Variants in ATXN1 observed in about 807,000 individuals in gnomAD.
ATXN1 encodes ataxin-1.
ATXN1 carries 8 observed loss-of-function variants against 56.4 expected under a neutral mutation model. The ratio of observed to expected loss-of-function variants is 0.14; its 90% CI spans 0.08 to 0.26. The LOEUF (loss-of-function observed/expected upper bound fraction) is 0.26. Among genes scored for constraint, ATXN1 ranks in the 10% least tolerant of loss-of-function variants. The pLI is 1.00. For synonymous variants in ATXN1, 514 were observed against 494.6 expected (o/e 1.04, Z -0.52); for missense variants, 987 against 1,106.5 (o/e 0.89, Z 1.53).
intron 6 of ATXN1, among the ~76,000 whole-genome samples, chr6:16,350,164 G>C (rs1761536431): frequency 6.6e-6 from 1 of 152,208 alleles, no homozygotes; most frequent in South Asian, 2.1e-4. Flanking sequence ...AAGTAAGGCA[G>C]TCTCCTGTTT....
intron 3 of ATXN1, among the ~76,000 whole-genome samples, chr6:16,649,112 A>G (rs575046731): frequency 6.6e-6 from 1 of 152,004 alleles, no homozygotes; most frequent in South Asian, 2.1e-4. Context: ...ACAAATGATG[A>G]TTTTCTTTTT....
chr6:16,424,051 C>A (rs535725516), intron 6 of ATXN1, among the ~76,000 whole-genome samples: 1 of 152,270 alleles, frequency 6.6e-6, no homozygotes, highest in Admixed American at 6.5e-5. Context: ...ATCACATGAT[C>A]CTCCAGGTAA....
At chr6:16,360,474 G>A (rs1364174453) in intron 6 of ATXN1, among the ~76,000 whole-genome samples, 1 of 152,154 alleles carries the variant, frequency 6.6e-6, no homozygotes, top group African/African-American at 2.4e-5. Flanking sequence ...TCATGCCTGG[G>A]ATTACACTGG....
intron 4 of ATXN1, among the ~76,000 whole-genome samples, chr6:16,533,813 G>A (rs549968704): frequency 3.9e-4 from 60 of 151,952 alleles, no homozygotes; most frequent in Non-Finnish European, 7.8e-4. Context: ...AGTCTAATTC[G>A]GCATAACACT....
rs530771964 is a variant in ATXN1 at position 16,364,989 on chromosome 6, C to A, written c.-160-36519G>T. 2.0e-5 allele frequency among the ~76,000 whole-genome samples: 3 copies of A among 152,214 alleles called. No individual in the cohort carries two copies. The East Asian group carries it at 5.8e-4, about 29-fold the overall frequency. ...ATGGCGGTGATAAGCTAGAGGTATA[C>A]CCAGGAGAGACAACCAGCAAAAGTG... On this transcript the variant is annotated intron_variant, in intron 6 of 7. Transcript: ENST00000436367.
chr6:16,516,132 A>G (rs928641305), intron 5 of ATXN1, among the ~76,000 whole-genome samples: 3 of 152,198 alleles, frequency 2.0e-5, no homozygotes, highest in Non-Finnish European at 4.4e-5. Context: ...TCCCATCACC[A>G]TAGCTAATTA....
intron 3 of ATXN1, among the ~76,000 whole-genome samples, chr6:16,637,072 A>G (rs1227444212): frequency 2.0e-5 from 3 of 152,184 alleles, no homozygotes; most frequent in Non-Finnish European, 4.4e-5. Context: ...CACTATTCAC[A>G]ATAGCAAAGA....
chr6:16,489,502 C>T (rs1760616177), intron 5 of ATXN1, among the ~76,000 whole-genome samples: 1 of 152,172 alleles, frequency 6.6e-6, no homozygotes, highest in Admixed American at 6.5e-5. Flanking sequence ...CATCTCCTTT[C>T]AAGATTTACA....
intron 4 of ATXN1, among the ~76,000 whole-genome samples, chr6:16,581,471 G>A (rs1374847766): frequency 6.6e-6 from 1 of 152,034 alleles, no homozygotes; most frequent in African/African-American, 2.4e-5. Flanking sequence ...CAAGGCCTAA[G>A]GAGATAAAAG....
At chr6:16,460,876 G>T (rs578098505) in intron 6 of ATXN1, among the ~76,000 whole-genome samples, 12 of 152,246 alleles carry the variant, frequency 7.9e-5, no homozygotes, top group Admixed American at 3.9e-4. Context: ...TTAGAACCGG[G>T]AAAGGAAAAA....
At chr6:16,749,670 C>A (rs762553026) in intron 2 of ATXN1, among the ~76,000 whole-genome samples, 1 of 152,098 alleles carries the variant, frequency 6.6e-6, no homozygotes, top group Non-Finnish European at 1.5e-5. Flanking sequence ...AGAAGGCAGA[C>A]GAAGGCCATG....
intron 4 of ATXN1, among the ~76,000 whole-genome samples, chr6:16,566,829 C>CCCGAGA (rs1762231693): frequency 6.6e-6 from 1 of 152,018 alleles, no homozygotes; most frequent in African/African-American, 2.4e-5. Flanking sequence ...GCACTCCAGC[C>CCCGAGA]TGGGCAACAG....
intron 6 of ATXN1, among the ~76,000 whole-genome samples, chr6:16,445,112 T>A (rs532286333): frequency 6.6e-6 from 1 of 152,288 alleles, no homozygotes; most frequent in East Asian, 1.9e-4. Context: ...TTTATTTGGA[T>A]CTTGGTTCAA....
At chr6:16,634,683 C>T (rs1265207115) in intron 3 of ATXN1, among the ~76,000 whole-genome samples, 1 of 152,162 alleles carries the variant, frequency 6.6e-6, no homozygotes, top group African/African-American at 2.4e-5. Flanking sequence ...TATGTGGTCT[C>T]TCAATTCACA....
At chr6:16,570,357 G>A (rs1264299295) in intron 4 of ATXN1, among the ~76,000 whole-genome samples, 1 of 152,176 alleles carries the variant, frequency 6.6e-6, no homozygotes, top group African/African-American at 2.4e-5. Flanking sequence ...ATCTTACTTT[G>A]AGTGTCCTTG....
chr6:16,733,791 G>A (rs1760048330), intron 2 of ATXN1, among the ~76,000 whole-genome samples: 1 of 152,246 alleles, frequency 6.6e-6, no homozygotes. Context: ...AGGTTACAGT[G>A]AGCCAAGATC....
At chr6:16,727,148 C>T (rs1561824682) in intron 2 of ATXN1, among the ~76,000 whole-genome samples, 1 of 152,132 alleles carries the variant, frequency 6.6e-6, no homozygotes, top group Non-Finnish European at 1.5e-5. Flanking sequence ...TTCTCTTTCT[C>T]TCCTCTAGTA....
At chr6:16,579,725 A>G (rs1762494378) in intron 4 of ATXN1, among the ~76,000 whole-genome samples, 1 of 152,054 alleles carries the variant, frequency 6.6e-6, no homozygotes, top group Admixed American at 6.6e-5. Flanking sequence ...ACAGAGGGGG[A>G]ACAGAACACA....
intron 6 of ATXN1, among the ~76,000 whole-genome samples, chr6:16,407,176 A>T (rs780548556): frequency 9.2e-5 from 14 of 152,228 alleles, no homozygotes; most frequent in Non-Finnish European, 1.8e-4. Flanking sequence ...TCACAGAGTA[A>T]TGACTGTTAA....
Sources: gnomAD v4.1 joint callset for allele counts (sites outside exome capture counted in the v4.1 genomes callset) on GRCh38, gnomAD v4.1.1 for gene constraint, MANE v1.5 for transcripts, NCBI Gene and HGNC (gene_info 2026-07-23, HGNC 2026-07-21) for gene names.